The following CHL1 variants were observed in gnomAD, a reference collection of about 807,000 sequenced individuals.
CHL1 encodes the protein neural cell adhesion molecule L1-like protein.
A neutral mutation model predicts 141.9 loss-of-function variants in CHL1; 96 were observed. The ratio of observed to expected loss-of-function variants is 0.68; its 90% confidence interval spans 0.57 to 0.80. CHL1 has a LOEUF of 0.80. Ranked by LOEUF, CHL1 falls within the 30% of genes least tolerant of loss-of-function variation. The pLI, the probability that CHL1 is intolerant of heterozygous loss-of-function variation, is 0.00. For synonymous variants in CHL1, 613 were observed against 502.2 expected (o/e 1.22, Z -2.95); for missense variants, 1,820 against 1,457.2 (o/e 1.25, Z -4.05).
chr3:197,706 G>C, intron 1 of CHL1: 1 of 431,600 alleles, frequency 2.3e-6, no homozygotes, highest in South Asian at 1.6e-5. Flanking sequence ...TGGGGAGCAC[G>C]AAAACCCAGA....
At chr3:228,894 C>A (rs376084426) in intron 1 of CHL1, among the ~76,000 whole-genome samples, 2 of 151,980 alleles carry the variant, frequency 1.3e-5, no homozygotes, top group East Asian at 3.9e-4. Context: ...GTATTGTCCA[C>A]TAAGTGGAGT....
intron 19 of CHL1, among the ~76,000 whole-genome samples, chr3:389,023 T>C (rs1708009869): frequency 2.2e-5 from 3 of 135,634 alleles, no homozygotes; most frequent in Admixed American, 1.6e-4. Flanking sequence ...AGGCATCTGA[T>C]TGTAGGCTTC....
chr3:308,160 T>C (rs1340527890), intron 2 of CHL1, among the ~76,000 whole-genome samples: 1 of 152,230 alleles, frequency 6.6e-6, no homozygotes, highest in Non-Finnish European at 1.5e-5. Context: ...TGTCTTTGGA[T>C]GAATGAGAAA....
intron 9 of CHL1, among the ~76,000 whole-genome samples, chr3:348,803 G>A (rs1300697116): frequency 6.6e-6 from 1 of 152,208 alleles, no homozygotes; most frequent in Non-Finnish European, 1.5e-5. Flanking sequence ...GCAGATTCCA[G>A]CTTGCCCTGG....
Position 391,803 on chromosome 3 carries a change from T to A in CHL1, c.2914+6T>A, listed in dbSNP as rs1293832310. 6.3e-7 allele frequency: 1 copy of A among 1,576,622 alleles called. No homozygotes were observed. The highest frequency in any genetic ancestry group is 2.2e-5 in the East Asian group (1 of 44,536). ...TCTTTTGCAATATCAGATAAGTAAG[T>A]AGAAATTTGAATTGGAGTTAACTTG... is the stretch of plus-strand genomic sequence containing the variant. On this transcript the variant is annotated splice_donor_region_variant and intron_variant, in intron 23 of 27. Transcript: ENST00000256509.
At chr3:359,698 C>T (rs1173946432) in intron 11 of CHL1, among the ~76,000 whole-genome samples, 1 of 152,108 alleles carries the variant, frequency 6.6e-6, no homozygotes, top group Non-Finnish European at 1.5e-5. Flanking sequence ...GAAAATCTGG[C>T]CCTTTTTCTC....
At chr3:307,045 C>G (rs1454532678) in intron 2 of CHL1, among the ~76,000 whole-genome samples, 1 of 152,146 alleles carries the variant, frequency 6.6e-6, no homozygotes, top group Non-Finnish European at 1.5e-5. Context: ...TATTTTCTGA[C>G]AATGATTCCA....
intron 5 of CHL1, among the ~76,000 whole-genome samples, chr3:331,870 T>C (rs962823787): frequency 2.0e-5 from 3 of 152,216 alleles, no homozygotes; most frequent in African/African-American, 7.2e-5. Context: ...ATTGTAACCC[T>C]AGTGATAAAA....
In CHL1 at chr3:273,837, A is replaced by G. The variant is rs191512053; in HGVS notation, c.-95+29145A>G. On this transcript the variant is annotated intron_variant, in intron 2 of 27. Coordinates refer to ENST00000256509, the MANE Select transcript of CHL1 (RefSeq NM_006614.4). ...CTAGATGTGTTTCCTAACTGCTCCAATCTACTCTTGCCTATACTGTAATGT... is the reference window on the plus strand; with the variant it reads ...CTAGATGTGTTTCCTAACTGCTCCAGTCTACTCTTGCCTATACTGTAATGT... Among the ~76,000 whole-genome samples the G allele has an allele frequency of 3.3e-5, 5 of 152,238 alleles. No homozygotes were observed. The East Asian group carries it at 7.7e-4, about 23-fold the overall frequency.
rs1348864800 is a variant in CHL1 at position 303,211 on chromosome 3, T to C, written c.-94-16472T>C. Among the ~76,000 whole-genome samples, 6 of 152,292 alleles carry C rather than the reference T, an allele frequency of 3.9e-5. No homozygotes were observed. In the East Asian group the frequency reaches 1.2e-3, roughly 29 times the overall value. On this transcript the variant is annotated intron_variant, in intron 2 of 27. Coordinates refer to ENST00000256509, the MANE Select transcript of CHL1 (RefSeq NM_006614.4). ...GCTTTGTTCTTCTTGCCCAGGATTG[T>C]TTTGGATATGCAGGCTCTTTTTTGG...
chr3:224,449 C>A (rs1448954874), intron 1 of CHL1, among the ~76,000 whole-genome samples: 1 of 152,108 alleles, frequency 6.6e-6, no homozygotes, highest in Admixed American at 6.6e-5. Context: ...GGGAACAGAT[C>A]CCGTATGGCC....
rs767408551 is a variant in CHL1 at position 405,514 on chromosome 3, C to A, written c.3478C>A (p.Leu1160Ile). ...GEYSDSDEKP[L>I]KGSLRSLNRD... ...TTCTAGTGACAGTGATGAAAAGCCTCTCAAAGGAAGCCTTCGGTCCCTTAA... is the reference window on the plus strand; with the variant it reads ...TTCTAGTGACAGTGATGAAAAGCCTATCAAAGGAAGCCTTCGGTCCCTTAA... The change falls in exon 28 of 28, where the codon CTC becomes ATC. Residue 1160 changes from leucine to isoleucine, a missense_variant. Transcript: ENST00000256509. The A allele has an allele frequency of 5.7e-5, 92 of 1,612,402 alleles. No individual in the cohort carries two copies. Among genetic ancestry groups the A allele is most frequent in the Non-Finnish European group, 7.1e-5 (84 of 1,178,894 alleles).
intron 13 of CHL1, 114 bp from the exon 14 acceptor site, chr3:363,103 A>G: frequency 1.3e-6 from 1 of 792,104 alleles, no homozygotes; most frequent in Non-Finnish European, 2.0e-6. Flanking sequence ...ACATTTCATG[A>G]GGTTTTCTGA....
Position 344,627 on chromosome 3 carries a change from C to T in CHL1, c.766C>T (p.Pro256Ser). ...GCAAAGAAAACCCAAACTGCTGTTG[C>T]CTCCCACTGAGAGTGGCAGTGAGTC... ...IKQRKPKLLL[P>S]PTESGSESSI... Residue 256 changes from proline (P) to serine (S), a missense_variant, in exon 9 of 28, where the codon CCT becomes TCT. By Grantham distance (74) the Pro-to-Ser change is moderately conservative (BLOSUM62 -1). Coordinates refer to ENST00000256509, the MANE Select transcript of CHL1 (RefSeq NM_006614.4). The T allele has an allele frequency of 6.2e-7, 1 of 1,611,862 alleles. No individual in the cohort carries two copies. Among genetic ancestry groups the T allele is most frequent in the Non-Finnish European group, 8.5e-7 (1 of 1,178,654 alleles).
chr3:205,017 A>T (rs1302717659), intron 1 of CHL1, among the ~76,000 whole-genome samples: 11 of 152,210 alleles, frequency 7.2e-5, no homozygotes, highest in African/African-American at 2.7e-4. Flanking sequence ...TTAGAATTAA[A>T]TCATCTTAGA....
At chr3:272,770 A>G (rs1695749473) in intron 2 of CHL1, among the ~76,000 whole-genome samples, 1 of 152,218 alleles carries the variant, frequency 6.6e-6, no homozygotes, top group Non-Finnish European at 1.5e-5. Context: ...ACTTGCTCCC[A>G]AATGGATTCA....
chr3:241,793 G>A (rs1207910966), intron 1 of CHL1, among the ~76,000 whole-genome samples: 2 of 151,320 alleles, frequency 1.3e-5, no homozygotes, highest in East Asian at 3.9e-4. Context: ...ACATTTGGTG[G>A]GTATATTTAT....
At chr3:265,149 T>G (rs934505365) in intron 2 of CHL1, among the ~76,000 whole-genome samples, 1 of 152,210 alleles carries the variant, frequency 6.6e-6, no homozygotes, top group African/African-American at 2.4e-5. Flanking sequence ...AATTAACGGG[T>G]AGCTAAGAGA....
chr3:229,928 G>A (rs1274559621), intron 1 of CHL1, among the ~76,000 whole-genome samples: 1 of 152,128 alleles, frequency 6.6e-6, no homozygotes, highest in Non-Finnish European at 1.5e-5. Context: ...GTCTCTCAAA[G>A]GGGAAGAGTC....
Sources: gnomAD v4.1 joint callset for allele counts (sites outside exome capture counted in the v4.1 genomes callset) on GRCh38, gnomAD v4.1.1 for gene constraint, MANE v1.5 for transcripts, NCBI Gene and HGNC (gene_info 2026-07-23, HGNC 2026-07-21) for gene names.